PTPRD: variants seen among roughly 807,000 people sequenced by gnomAD.
PTPRD encodes receptor-type tyrosine-protein phosphatase delta.
Under a neutral mutation model 214.5 loss-of-function variants are expected in PTPRD, and 34 were observed. That is an observed-to-expected ratio of 0.16 (90% CI 0.12 to 0.21). PTPRD has a LOEUF of 0.21. PTPRD is among the 10% of genes least tolerant of loss of function. The pLI is 1.00. For synonymous variants in PTPRD, 1,128 were observed against 845.7 expected, an observed-to-expected ratio of 1.33 and a Z score of -5.79; for missense variants, 2,545 against 2,398.7, an observed-to-expected ratio of 1.06 and a Z score of -1.27.
intron 2 of PTPRD, among the ~76,000 whole-genome samples, chr9:10,513,935 G>A (rs1020267168): frequency 2.0e-5 from 3 of 152,100 alleles, no homozygotes; most frequent in African/African-American, 7.2e-5. Context: ...CAAAACCGTG[G>A]AAATAAAGTT....
At chr9:8,334,219 C>A (rs1480213808) in intron 43 of PTPRD, among the ~76,000 whole-genome samples, 1 of 152,062 alleles carries the variant, frequency 6.6e-6, no homozygotes, top group Middle Eastern at 3.2e-3. Flanking sequence ...CACCCCAAAT[C>A]AAGAGAATAT....
chr9:8,369,166 TA>T (rs1433820338), intron 39 of PTPRD, among the ~76,000 whole-genome samples: 3 of 152,114 alleles, frequency 2.0e-5, no homozygotes, highest in African/African-American at 7.2e-5. Context: ...TTAGAAGAAA[TA>T]AAAATGGAAT....
intron 14 of PTPRD, among the ~76,000 whole-genome samples, chr9:8,587,091 A>G (rs1420031070): frequency 6.6e-6 from 1 of 151,884 alleles, no homozygotes; most frequent in African/African-American, 2.4e-5. Context: ...CAGAGCTTGC[A>G]GTGAGCCGAG....
At chr9:10,369,675 C>T (rs1195030020) in intron 2 of PTPRD, among the ~76,000 whole-genome samples, 2 of 152,020 alleles carry the variant, frequency 1.3e-5, no homozygotes, top group Middle Eastern at 3.2e-3. Flanking sequence ...TGCCTAGTCG[C>T]CCCATTCTCT....
chr9:8,822,024 G>A (rs1475484158), intron 11 of PTPRD, among the ~76,000 whole-genome samples: 5 of 152,206 alleles, frequency 3.3e-5, no homozygotes, highest in African/African-American at 1.2e-4. Context: ...GACAGTTACA[G>A]GATTTGTTGC....
intron 10 of PTPRD, among the ~76,000 whole-genome samples, chr9:9,060,885 C>T (rs1036451094): frequency 6.6e-5 from 10 of 152,064 alleles, no homozygotes; most frequent in African/African-American, 2.4e-4. Flanking sequence ...CAGAATAGTC[C>T]TATGATAGAA....
chr9:9,145,724 G>C (rs2099867479), intron 10 of PTPRD, among the ~76,000 whole-genome samples: 1 of 152,140 alleles, frequency 6.6e-6, no homozygotes, highest in Non-Finnish European at 1.5e-5. Context: ...GAAGCAAGGA[G>C]GGAACACAGT....
chr9:10,121,136 T>A (rs147798514), intron 3 of PTPRD, among the ~76,000 whole-genome samples: 2 of 152,152 alleles, frequency 1.3e-5, no homozygotes, highest in Non-Finnish European at 2.9e-5. Context: ...TATTAGCTTG[T>A]ATAGTATTGT....
intron 11 of PTPRD, among the ~76,000 whole-genome samples, chr9:8,827,763 T>C (rs536236227): frequency 2.6e-5 from 4 of 152,344 alleles, no homozygotes; most frequent in Admixed American, 2.6e-4. Flanking sequence ...GATTTATTAT[T>C]GTTTACTAGT....
intron 3 of PTPRD, among the ~76,000 whole-genome samples, chr9:10,088,767 C>A (rs1451550702): frequency 6.6e-6 from 1 of 151,644 alleles, no homozygotes; most frequent in Non-Finnish European, 1.5e-5. Context: ...GTGTAATATA[C>A]ATAAGCTGGC....
At chr9:10,047,728 T>A (rs2097433058) in intron 3 of PTPRD, among the ~76,000 whole-genome samples, 1 of 152,144 alleles carries the variant, frequency 6.6e-6, no homozygotes, top group Admixed American at 6.6e-5. Flanking sequence ...CTCACAGTGT[T>A]AATTTGTTTA....
At chr9:9,434,824 C>A (rs2084582327) in intron 8 of PTPRD, among the ~76,000 whole-genome samples, 1 of 148,894 alleles carries the variant, frequency 6.7e-6, no homozygotes, top group Non-Finnish European at 1.5e-5. Context: ...TTACTCAAAG[C>A]CAGATTATAT....
At chr9:9,515,689 A>G (rs2096821053) in intron 8 of PTPRD, among the ~76,000 whole-genome samples, 1 of 151,946 alleles carries the variant, frequency 6.6e-6, no homozygotes, top group Non-Finnish European at 1.5e-5. Context: ...ATAAAATTAT[A>G]TCTATATGTT....
intron 9 of PTPRD, among the ~76,000 whole-genome samples, chr9:9,225,190 C>G (rs1449536106): frequency 1.3e-5 from 2 of 151,934 alleles, no homozygotes; most frequent in African/African-American, 2.4e-5. Context: ...TAAGATGGAA[C>G]TTTCCAGAAT....
chr9:8,618,799 T>C (rs547925208), intron 14 of PTPRD, among the ~76,000 whole-genome samples: 216 of 151,638 alleles, frequency 1.4e-3, no homozygotes, highest in African/African-American at 5.0e-3. Context: ...TGGGTTCAAG[T>C]GATTTTCCTG....
chr9:8,579,879 G>A (rs939929766), intron 14 of PTPRD, among the ~76,000 whole-genome samples: 1 of 152,164 alleles, frequency 6.6e-6, no homozygotes, highest in African/African-American at 2.4e-5. Context: ...GAGGCAAGTG[G>A]AAGCCTGGTG....
intron 3 of PTPRD, among the ~76,000 whole-genome samples, chr9:10,161,158 T>C (rs2099125110): frequency 6.6e-6 from 1 of 151,832 alleles, no homozygotes; most frequent in Non-Finnish European, 1.5e-5. Flanking sequence ...TTTACAAATT[T>C]AATGCAATCC....
At chr9:9,760,496 C>T in intron 6 of PTPRD, among the ~76,000 whole-genome samples, 1 of 151,668 alleles carries the variant, frequency 6.6e-6, no homozygotes, top group East Asian at 1.9e-4. Flanking sequence ...TATTTCTATC[C>T]TTTATTGCTT....
At chr9:9,144,674 A>T (rs373107291) in intron 10 of PTPRD, among the ~76,000 whole-genome samples, 29 of 152,172 alleles carry the variant, frequency 1.9e-4, no homozygotes, top group Middle Eastern at 3.4e-3. Context: ...AATCACTTGA[A>T]CCTGGGAGGG....
Sources: allele counts gnomAD v4.1 joint callset (sites outside exome capture counted in the v4.1 genomes callset), GRCh38; gene constraint gnomAD v4.1.1; transcripts MANE v1.5; gene names NCBI Gene and HGNC (gene_info 2026-07-23, HGNC 2026-07-21).